Variants in PDE4D observed in about 807,000 individuals in gnomAD.
The protein encoded by PDE4D is 3',5'-cyclic-AMP phosphodiesterase 4D.
PDE4D carries 24 observed loss-of-function variants against 87.4 expected under a neutral mutation model. The ratio of observed to expected loss-of-function variants is 0.27; its 90% CI spans 0.20 to 0.39. PDE4D has a LOEUF of 0.39. Ranked by LOEUF, PDE4D falls within the 10% of genes least tolerant of loss-of-function variation. The pLI is 1.00. For synonymous variants in PDE4D, 384 were observed against 383.2 expected (o/e 1.00, Z -0.02); for missense variants, 714 against 1,041.0 (o/e 0.69, Z 4.32).
chr5:59,999,915 A>G (rs1366017301), intron 2 of PDE4D, among the ~76,000 whole-genome samples: 1 of 152,114 alleles, frequency 6.6e-6, no homozygotes, highest in Non-Finnish European at 1.5e-5. Flanking sequence ...ATTCATGGAG[A>G]TGAATACAGT....
intron 1 of PDE4D, among the ~76,000 whole-genome samples, chr5:59,299,825 C>T (rs1005136337): frequency 2.0e-5 from 3 of 151,926 alleles, no homozygotes; most frequent in Non-Finnish European, 4.4e-5. Flanking sequence ...AAAAAAAATG[C>T]TCGCCCAGGC....
chr5:59,508,534 A>G (rs551162839), intron 1 of PDE4D, among the ~76,000 whole-genome samples: 5 of 152,290 alleles, frequency 3.3e-5, no homozygotes, highest in Non-Finnish European at 7.4e-5. Flanking sequence ...GTATGAGCTC[A>G]CATATGTAAA....
intron 1 of PDE4D, among the ~76,000 whole-genome samples, chr5:60,213,433 G>C (rs1743482405): frequency 1.3e-5 from 2 of 152,238 alleles, no homozygotes; most frequent in Middle Eastern, 3.4e-3. Flanking sequence ...ATACGTTCTT[G>C]AACTCCAAAG....
At chr5:59,452,070 TC>T (rs1309577064) in intron 1 of PDE4D, among the ~76,000 whole-genome samples, 29 of 151,168 alleles carry the variant, frequency 1.9e-4, no homozygotes, top group African/African-American at 7.0e-4. Context: ...TGTTTGTGAT[TC>T]TTTTTTTTAG....
chr5:59,711,690 CA>C (rs1238784348), intron 1 of PDE4D, among the ~76,000 whole-genome samples: 1 of 152,084 alleles, frequency 6.6e-6, no homozygotes, highest in Non-Finnish European at 1.5e-5. Context: ...TTTCCAATGC[CA>C]AATTATTCCA....
chr5:59,284,572 G>C (rs1333236484), intron 1 of PDE4D, among the ~76,000 whole-genome samples: 3 of 149,326 alleles, frequency 2.0e-5, no homozygotes, highest in African/African-American at 7.4e-5. Flanking sequence ...ACAGGTGCTG[G>C]AGAGGATGTG....
chr5:59,446,793 C>T (rs1798419730), intron 1 of PDE4D, among the ~76,000 whole-genome samples: 1 of 152,178 alleles, frequency 6.6e-6, no homozygotes, highest in Non-Finnish European at 1.5e-5. Flanking sequence ...GTCTTTCTGC[C>T]TCTTTTCTCT....
chr5:60,318,445 C>T (rs1755858730), intron 1 of PDE4D, among the ~76,000 whole-genome samples: 3 of 152,122 alleles, frequency 2.0e-5, no homozygotes, highest in Non-Finnish European at 4.4e-5. Flanking sequence ...TCCAGTTTGC[C>T]AGTCTGTGTC....
At chr5:60,246,640 T>C (rs1003763848) in intron 1 of PDE4D, among the ~76,000 whole-genome samples, 1 of 151,884 alleles carries the variant, frequency 6.6e-6, no homozygotes, top group African/African-American at 2.4e-5. Context: ...TTTAACCTTA[T>C]TTTTTCTTAT....
At chr5:59,593,521 C>T (rs998062027) in intron 1 of PDE4D, among the ~76,000 whole-genome samples, 2 of 152,264 alleles carry the variant, frequency 1.3e-5, no homozygotes, top group Middle Eastern at 3.4e-3. Context: ...GCTTTCAGTT[C>T]CTCACATAAG....
intron 1 of PDE4D, among the ~76,000 whole-genome samples, chr5:59,828,107 A>T (rs1770537336): frequency 6.6e-6 from 1 of 152,138 alleles, no homozygotes; most frequent in Admixed American, 6.5e-5. Context: ...CAAATAAAAT[A>T]CTTAGTAAAA....
intron 1 of PDE4D, among the ~76,000 whole-genome samples, chr5:59,630,628 G>A (rs1207990363): frequency 6.6e-6 from 1 of 152,168 alleles, no homozygotes; most frequent in Non-Finnish European, 1.5e-5. Flanking sequence ...AAATGAGAAT[G>A]GCTTTATAGA....
chr5:59,722,294 G>A (rs1307704536), intron 1 of PDE4D, among the ~76,000 whole-genome samples: 1 of 152,198 alleles, frequency 6.6e-6, no homozygotes, highest in Non-Finnish European at 1.5e-5. Context: ...AGTGAGAAAT[G>A]TGCAAGTCTC....
At chr5:60,388,143 C>T (rs893606231) in intron 1 of PDE4D, among the ~76,000 whole-genome samples, 4 of 152,124 alleles carry the variant, frequency 2.6e-5, no homozygotes, top group South Asian at 2.1e-4. Context: ...AGAACCTTCA[C>T]GTGTTCAGCT....
rs560659892 is a variant in PDE4D, at chr5:59,512,316, A to T, written c.456-296348T>A. 1.4e-4 allele frequency among the ~76,000 whole-genome samples: 22 copies of T among 152,288 alleles called. No homozygotes were observed. In the South Asian group the frequency reaches 4.1e-3, roughly 29 times the overall value. The stretch of plus-strand genomic sequence containing the variant: ...TTTTCTCTGTTTCCATTAAGGTTAT[A>T]TTCCTCTCTGGGTCAGTCAAATCAA... On this transcript the variant is annotated intron_variant, in intron 1 of 14. Coordinates refer to ENST00000340635, the MANE Select transcript of PDE4D (RefSeq NM_001104631.2).
At chr5:60,310,075 A>G (rs892253000) in intron 1 of PDE4D, among the ~76,000 whole-genome samples, 1 of 152,208 alleles carries the variant, frequency 6.6e-6, no homozygotes, top group Non-Finnish European at 1.5e-5. Flanking sequence ...GAAGTAGGAA[A>G]GAATAGCTAG....
chr5:59,323,306 T>C (rs1262087325), intron 1 of PDE4D, among the ~76,000 whole-genome samples: 1 of 152,134 alleles, frequency 6.6e-6, no homozygotes, highest in Non-Finnish European at 1.5e-5. Flanking sequence ...CTCTCTCTCT[T>C]GCTTTATTGA....
At chr5:60,201,868 A>G (rs546298861) in intron 1 of PDE4D, among the ~76,000 whole-genome samples, 1 of 152,350 alleles carries the variant, frequency 6.6e-6, no homozygotes, top group East Asian at 1.9e-4. Context: ...ACAACTATAC[A>G]TAAGAATTTG....
At position 60,481,883 on chromosome 5, in the gene PDE4D, AT is replaced by A. The variant is rs1162957574; in HGVS notation, c.-90+6058del. On this transcript the variant is annotated intron_variant, in intron 1 of 16. Transcript: ENST00000502484. ...ATTTAAAAGTAAAATCATTTTCCTA[AT>A]TTCTTCCAGATGGTAAATATTATAA... Among the ~76,000 whole-genome samples, 10 of 152,166 alleles carry A rather than the reference AT, an allele frequency of 6.6e-5. 1 individual carries two copies. Among genetic ancestry groups the A allele is most frequent in the Admixed American group, 3.9e-4 (6 of 15,278 alleles).
Sources: gnomAD v4.1 joint callset for allele counts (sites outside exome capture counted in the v4.1 genomes callset) on GRCh38, gnomAD v4.1.1 for gene constraint, MANE v1.5 for transcripts, NCBI Gene and HGNC (gene_info 2026-07-23, HGNC 2026-07-21) for gene names.